Variants in JKAMP observed in about 807,000 individuals in gnomAD.
JKAMP encodes the protein JNK1/MAPK8-associated membrane protein.
In JKAMP, 20 loss-of-function variants were observed where a neutral mutation model predicts 40.2. That is an observed-to-expected ratio of 0.50 (90% CI 0.35 to 0.72). The LOEUF (loss-of-function observed/expected upper bound fraction) is 0.72, where lower values mean the gene tolerates loss of function less well. JKAMP is among the 30% of genes least tolerant of loss of function. JKAMP has a pLI of 0.01. For missense variants in JKAMP, 276 were observed against 373.0 expected (o/e 0.74, Z 2.14); for synonymous variants, 138 against 131.6 (o/e 1.05, Z -0.33).
In JKAMP at chr14:59,486,683, G is replaced by T. The variant is rs1382861591; in HGVS notation, c.5-30G>T. The T allele has an allele frequency of 9.9e-6, 14 of 1,417,990 alleles. No individual in the cohort carries two copies. The Admixed American group carries it at 3.0e-4, about 30-fold the overall frequency. 87.8% of individuals were successfully genotyped at this position (1,417,990 alleles called of 1,614,324 possible). A position where few individuals can be genotyped will look rare whatever the true frequency, so the allele number is the denominator to read the frequency against. On this transcript the variant is annotated intron_variant, in intron 1 of 6. Transcript: ENST00000616435. ...ATTATTTTTTATAATCACAAAAGATGTTACTATACTGGCATTTGTTTTTAA... is the reference window on the plus strand; with the variant it reads ...ATTATTTTTTATAATCACAAAAGATTTTACTATACTGGCATTTGTTTTTAA...
chr14:59,499,270 C>T (rs375827679), intron 5 of JKAMP, among the ~76,000 whole-genome samples: 1 of 151,434 alleles, frequency 6.6e-6, no homozygotes, highest in East Asian at 1.9e-4. Flanking sequence ...TCATGATCTG[C>T]CCACCTCTCT....
Position 59,496,996 on chromosome 14 carries a change from A to ATT in JKAMP, c.459-1714_459-1713dup, listed in dbSNP as rs374179256. 8.8e-4 allele frequency among the ~76,000 whole-genome samples: 121 copies of ATT among 138,210 alleles called. 1 individual carries two copies. Among genetic ancestry groups the ATT allele is most frequent in the Middle Eastern group, 3.8e-3 (1 of 262 alleles). 90.7% of individuals were successfully genotyped at this position (138,210 alleles called of 152,430 possible). ...TGTAGGGCTACCACAAGTCATAGTA[A>ATT]TTTTTTTTTTTTTTTTTTGCAAGTC... On this transcript the variant is annotated intron_variant, in intron 4 of 6. Coordinates refer to ENST00000616435, the MANE Select transcript of JKAMP (RefSeq NM_016475.5).
At chr14:59,492,228 A>T (rs1480551487) in intron 3 of JKAMP, among the ~76,000 whole-genome samples, 3 of 152,118 alleles carry the variant, frequency 2.0e-5, no homozygotes, top group Admixed American at 1.3e-4. Context: ...AAACTTTTAG[A>T]AATGAAAGTT....
At chr14:59,488,408 T>C (rs766677761) in intron 3 of JKAMP, among the ~76,000 whole-genome samples, 6 of 152,072 alleles carry the variant, frequency 3.9e-5, no homozygotes, top group Non-Finnish European at 7.4e-5. Flanking sequence ...CAAAGTACTC[T>C]GGAGTTACAA....
intron 3 of JKAMP, among the ~76,000 whole-genome samples, chr14:59,490,917 GGA>G (rs1358052269): frequency 6.6e-6 from 1 of 152,178 alleles, no homozygotes; most frequent in Non-Finnish European, 1.5e-5. Context: ...ATGTTTTGAG[GGA>G]GAGACTTGAA....
At chr14:59,491,691 T>C (rs1891021246) in intron 3 of JKAMP, among the ~76,000 whole-genome samples, 1 of 152,196 alleles carries the variant, frequency 6.6e-6, no homozygotes, top group African/African-American at 2.4e-5. Context: ...ACATTGCTGG[T>C]CCCAGCTGGA....
At chr14:59,487,524 TTTAC>T in intron 2 of JKAMP, 146 bp from the exon 3 acceptor site, 1 of 581,476 alleles carries the variant, frequency 1.7e-6, no homozygotes, top group South Asian at 2.7e-5. Context: ...TTCTTTTTAT[TTTAC>T]TTATGCCCTC....
intron 3 of JKAMP, 43 bp from the exon 4 acceptor site, chr14:59,494,975 T>C: frequency 7.2e-7 from 1 of 1,390,270 alleles, no homozygotes; most frequent in Non-Finnish European, 1.0e-6. Context: ...GCCATTTAAA[T>C]ATTGCAATTT....
At chr14:59,484,850 A>G (rs570889516) in intron 1 of JKAMP, 1 of 1,074,612 alleles carries the variant, frequency 9.3e-7, no homozygotes, top group East Asian at 2.6e-5. Flanking sequence ...ATGTCTCTTC[A>G]GTCCCTTAGT....
intron 5 of JKAMP, among the ~76,000 whole-genome samples, chr14:59,500,665 A>T (rs1026162510): frequency 6.6e-6 from 1 of 152,214 alleles, no homozygotes; most frequent in Non-Finnish European, 1.5e-5. Context: ...CACAAAACAC[A>T]GAAAATTATT....
chr14:59,494,270 A>C (rs568819223), intron 3 of JKAMP, among the ~76,000 whole-genome samples: 1 of 152,290 alleles, frequency 6.6e-6, no homozygotes, highest in South Asian at 2.1e-4. Context: ...AGAAAGTGAA[A>C]ATTGAGCCCA....
intron 4 of JKAMP, among the ~76,000 whole-genome samples, chr14:59,496,941 G>C (rs961269929): frequency 2.0e-5 from 3 of 150,378 alleles, no homozygotes; most frequent in Non-Finnish European, 4.4e-5. Context: ...ATAAATGTAT[G>C]GTCAGACTGG....
At chr14:59,491,051 G>A (rs1890958616) in intron 3 of JKAMP, among the ~76,000 whole-genome samples, 1 of 152,202 alleles carries the variant, frequency 6.6e-6, no homozygotes, top group Non-Finnish European at 1.5e-5. Context: ...TGGTAACAAG[G>A]ACCACAAGGG....
chr14:59,501,686 C>A (rs1383098684), intron 6 of JKAMP, among the ~76,000 whole-genome samples: 2 of 152,132 alleles, frequency 1.3e-5, no homozygotes, highest in Non-Finnish European at 2.9e-5. Flanking sequence ...CCATATCCTT[C>A]TGTGTTTTAT....
chr14:59,503,449 G>A (rs1238787405), intron 6 of JKAMP, among the ~76,000 whole-genome samples: 1 of 152,184 alleles, frequency 6.6e-6, no homozygotes, highest in Non-Finnish European at 1.5e-5. Context: ...AGGAGGTTGG[G>A]TTTCTGTACC....
In JKAMP at chr14:59,504,049, T is replaced by C; in HGVS notation, c.913T>C (p.Ser305Pro). 4 of 1,612,804 alleles carry C rather than the reference T, an allele frequency of 2.5e-6. No homozygotes were observed. The highest frequency in any genetic ancestry group is 3.4e-6 in the Non-Finnish European group (4 of 1,178,918). The change falls in exon 7 of 7, where the codon TCA (serine) becomes CCA (proline). Residue 305 changes from serine to proline, a missense_variant. Transcript: ENST00000616435. ...ATTTACCGAACCTTCAAGGATACTC[T>C]CAGAAGGAGCCAATGGACACTGAGT... ...AKFTEPSRIL[S>P]EGANGH
At position 59,498,902 on chromosome 14, in the gene JKAMP, CT is replaced by C; in HGVS notation, c.638del (p.Leu213TyrfsTer10). The C allele has an allele frequency of 1.9e-6, 3 of 1,593,566 alleles. No homozygotes were observed. Among genetic ancestry groups the C allele is most frequent in the Non-Finnish European group, 2.6e-6 (3 of 1,168,936 alleles). On this transcript the variant is annotated frameshift_variant, in exon 5 of 7. Coordinates refer to ENST00000616435, the MANE Select transcript of JKAMP (RefSeq NM_016475.5). LOFTEE classifies it high-confidence loss of function. ...CGTGCTTCAGGCAGTTGGTGGAGGC[CT>C]TTTATGTAAGTTTGATGGGTAAAGT... The part of the protein sequence containing the change: ...LTVLQAVGGG[L>X]LYYAFPYIIL...
At chr14:59,500,592 GATTA>G (rs1447467958) in intron 5 of JKAMP, among the ~76,000 whole-genome samples, 1 of 152,092 alleles carries the variant, frequency 6.6e-6, no homozygotes, top group Non-Finnish European at 1.5e-5. Context: ...CTTTTCTAAA[GATTA>G]ATTAAAGCTG....
chr14:59,496,492 G>A (rs984418143), intron 4 of JKAMP, among the ~76,000 whole-genome samples: 7 of 151,956 alleles, frequency 4.6e-5, no homozygotes, highest in Non-Finnish European at 5.9e-5. Flanking sequence ...CTTATTTAGC[G>A]ATAGTCTCAT....
Sources: allele counts gnomAD v4.1 joint callset (sites outside exome capture counted in the v4.1 genomes callset), GRCh38; gene constraint gnomAD v4.1.1; transcripts MANE v1.5; gene names NCBI Gene and HGNC (gene_info 2026-07-23, HGNC 2026-07-21).